MBP: variants seen among roughly 807,000 people sequenced by gnomAD.
MBP encodes the protein myelin basic protein, also known as Golli-MBP.
MBP carries 16 observed loss-of-function variants against 35.8 expected under a neutral mutation model. That is an observed-to-expected ratio of 0.45 (90% confidence interval 0.30 to 0.68). The LOEUF (loss-of-function observed/expected upper bound fraction) is 0.68. Among genes scored for constraint, MBP ranks in the 30% least tolerant of loss-of-function variants. The probability of loss-of-function intolerance (pLI) is 0.08; values close to 1 mark genes in which losing one functional copy is unlikely to be tolerated. For synonymous variants in MBP, 143 were observed against 159.6 expected (o/e 0.90, Z 0.78); for missense variants, 380 against 404.7 (o/e 0.94, Z 0.52).
intron 1 of MBP, among the ~76,000 whole-genome samples, chr18:77,120,276 C>T (rs913993084): frequency 1.3e-5 from 2 of 152,176 alleles, no homozygotes; most frequent in African/African-American, 4.8e-5. Flanking sequence ...GGTCAGCCCT[C>T]GCGGCATCTG....
At chr18:77,067,709 G>A (rs540026639) in intron 2 of MBP, 17 of 427,792 alleles carry the variant, frequency 4.0e-5, no homozygotes, top group Admixed American at 1.5e-4. Context: ...TCCCTGCAGC[G>A]CCCCACCCTG....
chr18:77,037,843 C>T (rs767713306), intron 3 of MBP, among the ~76,000 whole-genome samples: 2 of 152,182 alleles, frequency 1.3e-5, no homozygotes, highest in Non-Finnish European at 2.9e-5. Context: ...AAGCAGGCGA[C>T]GGGCCTCCGA....
intron 3 of MBP, among the ~76,000 whole-genome samples, chr18:77,040,158 A>T (rs1294100983): frequency 6.6e-6 from 1 of 152,152 alleles, no homozygotes; most frequent in Non-Finnish European, 1.5e-5. Context: ...TATTATCTTT[A>T]CTTTTTTCTT....
At chr18:77,112,169 G>GCGCACACACACACACACACACACACA (rs370587502) in intron 1 of MBP, among the ~76,000 whole-genome samples, 5 of 150,874 alleles carry the variant, frequency 3.3e-5, no homozygotes, top group African/African-American at 1.2e-4. Flanking sequence ...CCGTGCACAC[G>GCGCACACACACACACACACACACACA]CACACACACA....
chr18:77,092,011 T>C (rs1035139390), intron 2 of MBP, among the ~76,000 whole-genome samples: 5 of 152,248 alleles, frequency 3.3e-5, no homozygotes, highest in African/African-American at 9.6e-5. Context: ...GAAAGCTGGA[T>C]TTTTTAGGTT....
chr18:77,014,041 C>G, intron 4 of MBP: 2 of 985,488 alleles, frequency 2.0e-6, no homozygotes, highest in South Asian at 4.7e-5. Context: ...GTGACCCTGA[C>G]ATTCCGGGGA....
intron 1 of MBP, among the ~76,000 whole-genome samples, chr18:77,106,256 T>C (rs1437243637): frequency 1.3e-5 from 2 of 152,106 alleles, no homozygotes; most frequent in African/African-American, 4.8e-5. Context: ...CCGAACACAA[T>C]GCAAATTGTG....
intron 3 of MBP, among the ~76,000 whole-genome samples, chr18:77,040,887 T>C (rs1470946054): frequency 6.6e-6 from 1 of 152,166 alleles, no homozygotes; most frequent in African/African-American, 2.4e-5. Flanking sequence ...ACTTCATGTC[T>C]AAAACACCAA....
chr18:77,035,902 T>C (rs1972745877), intron 3 of MBP, among the ~76,000 whole-genome samples: 1 of 152,208 alleles, frequency 6.6e-6, no homozygotes, highest in Non-Finnish European at 1.5e-5. Flanking sequence ...AAACACTCCT[T>C]AAAATCATTC....
chr18:77,022,473 C>T (rs918054394), intron 3 of MBP, among the ~76,000 whole-genome samples: 1 of 152,198 alleles, frequency 6.6e-6, no homozygotes, highest in Non-Finnish European at 1.5e-5. Flanking sequence ...TTATTAAGTA[C>T]ATCATTGCAC....
chr18:77,040,596 G>C (rs972395260), intron 3 of MBP, among the ~76,000 whole-genome samples: 10 of 152,166 alleles, frequency 6.6e-5, no homozygotes, highest in Non-Finnish European at 1.3e-4. Context: ...TAGACCAATG[G>C]AACAGAACAG....
chr18:77,074,441 T>C (rs1030742428), intron 2 of MBP, among the ~76,000 whole-genome samples: 2 of 152,200 alleles, frequency 1.3e-5, no homozygotes, highest in Non-Finnish European at 2.9e-5. Flanking sequence ...TGAGGTCATA[T>C]GTATCACACT....
intron 2 of MBP, among the ~76,000 whole-genome samples, chr18:77,088,280 C>A (rs746926696): frequency 6.6e-6 from 1 of 152,172 alleles, no homozygotes; most frequent in Admixed American, 6.5e-5. Context: ...CTTCCAGCTG[C>A]GTCCACGTCC....
rs538082177 is a variant in MBP, at chr18:77,125,012, G to A, written c.-26+7568C>T. On this transcript the variant is annotated intron_variant, in intron 1 of 8. Transcript: ENST00000355994. ...ATCCAGCCCACTCCTCTGAGGTCCC[G>A]GCTCCTGCCCGTTTCTGCACGCTTC... 7.2e-5 allele frequency among the ~76,000 whole-genome samples: 11 copies of A among 152,216 alleles called. No homozygotes were observed. In the South Asian group the frequency reaches 1.9e-3, roughly 26 times the overall value.
chr18:77,025,301 T>C (rs1972163645), intron 3 of MBP, among the ~76,000 whole-genome samples: 1 of 152,206 alleles, frequency 6.6e-6, no homozygotes, highest in African/African-American at 2.4e-5. Context: ...CATCTGTGGC[T>C]AGCAGCTGCT....
At chr18:77,104,241 G>A (rs1976164860) in intron 2 of MBP, among the ~76,000 whole-genome samples, 1 of 152,216 alleles carries the variant, frequency 6.6e-6, no homozygotes, top group Admixed American at 6.5e-5. Flanking sequence ...GGAGCAGGAG[G>A]AACGTGGAAC....
intron 3 of MBP, chr18:77,065,715 G>T (rs12327217): frequency 0.17 from 25,853 of 152,322 alleles, 2,203 homozygotes; most frequent in African/African-American, 0.18. Flanking sequence ...ACAAACAGAC[G>T]ATCAGAGAAA....
chr18:77,105,364 C>A (rs1976233836), intron 1 of MBP, 78 bp from the exon 2 acceptor site: 3 of 917,900 alleles, frequency 3.3e-6, no homozygotes, highest in Non-Finnish European at 3.6e-6. Flanking sequence ...ATCAGAAAGA[C>A]AATCCTGTGA....
intron 3 of MBP, among the ~76,000 whole-genome samples, chr18:77,049,771 C>T (rs2144686486): frequency 6.6e-6 from 1 of 152,168 alleles, no homozygotes; most frequent in African/African-American, 2.4e-5. Context: ...CCTCTGCCTC[C>T]CGGATTCAAG....
Sources: gnomAD v4.1 joint callset for allele counts (sites outside exome capture counted in the v4.1 genomes callset) on GRCh38, gnomAD v4.1.1 for gene constraint, MANE v1.5 for transcripts, NCBI Gene and HGNC (gene_info 2026-07-23, HGNC 2026-07-21) for gene names.